ANO6: variants seen among roughly 807,000 people sequenced by gnomAD.
ANO6 encodes anoctamin-6.
A neutral mutation model predicts 117.5 loss-of-function variants in ANO6; 106 were observed. The ratio of observed to expected loss-of-function variants is 0.90; its 90% CI spans 0.77 to 1.06. ANO6 has a LOEUF of 1.06. ANO6 is among the 50% of genes least tolerant of loss of function. ANO6 has a pLI of 0.00. For synonymous variants in ANO6, 367 were observed against 385.1 expected (o/e 0.95, Z 0.55); for missense variants, 955 against 1,121.1 (o/e 0.85, Z 2.12).
At chr12:45,329,817 T>C (rs1193855548) in intron 2 of ANO6, among the ~76,000 whole-genome samples, 3 of 152,126 alleles carry the variant, frequency 2.0e-5, no homozygotes, top group African/African-American at 4.8e-5. Context: ...TTGTCACCCA[T>C]AGTATAGTCC....
At chr12:45,419,573 TC>T (rs1337952608) in intron 17 of ANO6, among the ~76,000 whole-genome samples, 1 of 152,186 alleles carries the variant, frequency 6.6e-6, no homozygotes, top group Non-Finnish European at 1.5e-5. Context: ...AATTGTTTTT[TC>T]TTGCTTTGCC....
intron 1 of ANO6, among the ~76,000 whole-genome samples, chr12:45,261,217 T>A (rs74080985): frequency 0.01 from 1,590 of 152,272 alleles, 30 homozygotes; most frequent in African/African-American, 0.036. Context: ...GAACAAAGAA[T>A]AGGAAAATTG....
intron 9 of ANO6, among the ~76,000 whole-genome samples, chr12:45,375,082 C>T (rs1362906933): frequency 1.3e-5 from 2 of 152,002 alleles, no homozygotes; most frequent in Admixed American, 6.5e-5. Context: ...AGAGCCAAAT[C>T]ATGAGTGAAC....
chr12:45,341,213 A>T (rs935451619), intron 3 of ANO6, among the ~76,000 whole-genome samples: 2 of 152,240 alleles, frequency 1.3e-5, no homozygotes, highest in Non-Finnish European at 2.9e-5. Flanking sequence ...CTAAAATAGA[A>T]TAAATTAGTA....
At chr12:45,381,524 G>T (rs181878333) in intron 10 of ANO6, among the ~76,000 whole-genome samples, 16 of 152,318 alleles carry the variant, frequency 1.1e-4, no homozygotes, top group Non-Finnish European at 2.9e-5. Context: ...CAGCACTGGC[G>T]TGGCCCAGGA....
intron 7 of ANO6, among the ~76,000 whole-genome samples, chr12:45,354,180 C>T (rs1341371349): frequency 7.0e-6 from 1 of 143,224 alleles, no homozygotes; most frequent in East Asian, 1.9e-4. Flanking sequence ...CTGAGTCACT[C>T]CAACACAGCA....
chr12:45,281,499 G>C (rs1413769599), intron 1 of ANO6, among the ~76,000 whole-genome samples: 2 of 152,198 alleles, frequency 1.3e-5, no homozygotes, highest in Non-Finnish European at 2.9e-5. Context: ...GGAAGGCGAA[G>C]GGGAGGCAGC....
At chr12:45,259,969 A>G (rs1937968717) in intron 1 of ANO6, among the ~76,000 whole-genome samples, 2 of 151,986 alleles carry the variant, frequency 1.3e-5, no homozygotes, top group Admixed American at 6.6e-5. Context: ...GAATTATCCA[A>G]CTCCTCGAAT....
chr12:45,240,351 ATTTTTTTTTTTTTTTT>A (rs57126852), intron 1 of ANO6, among the ~76,000 whole-genome samples: 733 of 30,714 alleles, frequency 0.024, 7 homozygotes, highest in African/African-American at 0.049. Flanking sequence ...GCAACCCCTG[ATTTTTTTTTTTTTTTT>A]TTTTTTTTTT....
At chr12:45,370,717 G>T (rs916862312) in intron 9 of ANO6, among the ~76,000 whole-genome samples, 1 of 152,224 alleles carries the variant, frequency 6.6e-6, no homozygotes, top group Non-Finnish European at 1.5e-5. Context: ...TTCCATAAGA[G>T]TCAAAGGTAA....
intron 2 of ANO6, among the ~76,000 whole-genome samples, chr12:45,316,460 T>C (rs1940029893): frequency 6.6e-6 from 1 of 152,056 alleles, no homozygotes; most frequent in African/African-American, 2.4e-5. Flanking sequence ...GAACTGCATG[T>C]GCAAAGATAG....
chr12:45,336,646 G>A lies in ANO6; in HGVS notation c.279+5223G>A, dbSNP rs189175914. ...GGGCTGCTAGTCATATAAAAATATAGCACATACAATCATGTATAGTACCGA... is the reference window on the plus strand; with the variant it reads ...GGGCTGCTAGTCATATAAAAATATAACACATACAATCATGTATAGTACCGA... On this transcript the variant is annotated intron_variant, in intron 3 of 19. Coordinates refer to ENST00000320560, the MANE Select transcript of ANO6 (RefSeq NM_001025356.3). Among the ~76,000 whole-genome samples, 8 of 152,104 alleles carry A rather than the reference G, an allele frequency of 5.3e-5. No homozygotes were observed. The East Asian group carries it at 1.4e-3, about 26-fold the overall frequency.
chr12:45,297,921 T>C (rs1036392838), intron 1 of ANO6, among the ~76,000 whole-genome samples: 1 of 152,160 alleles, frequency 6.6e-6, no homozygotes, highest in African/African-American at 2.4e-5. Context: ...AAATTAACAT[T>C]AATTATGTCT....
At chr12:45,317,640 A>C (rs2137354759) in intron 2 of ANO6, among the ~76,000 whole-genome samples, 1 of 152,208 alleles carries the variant, frequency 6.6e-6, no homozygotes, top group Admixed American at 6.5e-5. Flanking sequence ...TATACCCAGT[A>C]ATGGGATGGC....
chr12:45,375,365 A>T (rs963195839), intron 9 of ANO6, among the ~76,000 whole-genome samples: 1 of 152,222 alleles, frequency 6.6e-6, no homozygotes, highest in African/African-American at 2.4e-5. Context: ...TTTAAAGTTC[A>T]TATGGAACCA....
At chr12:45,339,578 T>A (rs1199468907) in intron 3 of ANO6, among the ~76,000 whole-genome samples, 1 of 152,184 alleles carries the variant, frequency 6.6e-6, no homozygotes, top group East Asian at 1.9e-4. Context: ...AATGCTCGTC[T>A]GTTTTTTGTC....
chr12:45,383,579 T>C (rs982216550), intron 10 of ANO6, among the ~76,000 whole-genome samples: 5 of 152,228 alleles, frequency 3.3e-5, no homozygotes, highest in Non-Finnish European at 4.4e-5. Context: ...ATCTATGGGC[T>C]GCAGAACGGA....
chr12:45,388,213 A>AT lies in ANO6; in HGVS notation c.1219dup (p.Trp407LeufsTer5). 2.5e-6 allele frequency: 4 copies of AT among 1,614,078 alleles called. No individual in the cohort carries two copies. The highest frequency in any genetic ancestry group is 3.4e-6 in the Non-Finnish European group (4 of 1,179,964). ...GACGCCAGGCAGAACTTGAGTATGA[A>AT]TGGGATACTGTTGAGTTACAGCAGG... On this transcript the variant is annotated frameshift_variant, in exon 11 of 20. Transcript: ENST00000320560. LOFTEE classifies it high-confidence loss of function.
chr12:45,431,733 T>TGTAAGTGGCTTC lies in ANO6; in HGVS notation c.*2423_*2434dup. 1 of 985,442 alleles carries TGTAAGTGGCTTC rather than the reference T, an allele frequency of 1.0e-6. No individual in the cohort carries two copies. The highest frequency in any genetic ancestry group is 4.7e-5 in the South Asian group (1 of 21,286). 61.0% of individuals were successfully genotyped at this position (985,442 alleles called of 1,614,324 possible). A position where few individuals can be genotyped will look rare whatever the true frequency, so the allele number is the denominator to read the frequency against. ...GTCTGCAGACAATGGTGGCTGCATCTGTAAGTGGCTTCAGAGGCAGCAGCC... is the reference window on the plus strand; with the variant it reads ...GTCTGCAGACAATGGTGGCTGCATCTGTAAGTGGCTTCGTAAGTGGCTTCAGAGGCAGCAGCC... On this transcript the variant is annotated 3_prime_UTR_variant, in exon 20 of 20. Transcript: ENST00000320560.
Sources: gnomAD v4.1 joint callset for allele counts (sites outside exome capture counted in the v4.1 genomes callset) on GRCh38, gnomAD v4.1.1 for gene constraint, MANE v1.5 for transcripts, NCBI Gene and HGNC (gene_info 2026-07-23, HGNC 2026-07-21) for gene names.